Variants in MAP3K4 observed in about 807,000 individuals in gnomAD.
MAP3K4 encodes mitogen-activated protein kinase kinase kinase 4, also known as MAP three kinase 1.
Under a neutral mutation model 185.6 loss-of-function variants are expected in MAP3K4, and 67 were observed. The observed-to-expected ratio is 0.36, with a 90% confidence interval of 0.30 to 0.44. The LOEUF is 0.44. Among genes scored for constraint, MAP3K4 ranks in the 20% least tolerant of loss-of-function variants. The pLI is 1.00. For synonymous variants in MAP3K4, 702 were observed against 710.4 expected (o/e 0.99, Z 0.19); for missense variants, 1,551 against 1,995.1 (o/e 0.78, Z 4.24).
intron 1 of MAP3K4, among the ~76,000 whole-genome samples, chr6:161,009,294 T>G (rs1781742468): frequency 6.6e-6 from 1 of 152,218 alleles, no homozygotes. Context: ...GAACCATTTT[T>G]AAGGGTACAG....
intron 1 of MAP3K4, among the ~76,000 whole-genome samples, chr6:161,001,163 T>C (rs1182806385): frequency 6.7e-6 from 1 of 148,282 alleles, no homozygotes; most frequent in African/African-American, 2.5e-5. Flanking sequence ...TATATACATA[T>C]ATATGTGTAC....
In MAP3K4 at chr6:161,034,365, A is replaced by G; in HGVS notation, c.259A>G (p.Ser87Gly). ...TENLYGTSPP[S>G]TPRQMKRMST... ...GAATCTTTATGGTACCTCTCCCCCCAGCACACCTCGACAGATGAAACGCAT... is the reference window on the plus strand; with the variant it reads ...GAATCTTTATGGTACCTCTCCCCCCGGCACACCTCGACAGATGAAACGCAT... Residue 87 changes from serine (S) to glycine (G), a missense_variant, in exon 2 of 27, where the codon AGC becomes GGC. By Grantham distance (56) the Ser-to-Gly change is moderately conservative. Coordinates refer to ENST00000392142, the MANE Select transcript of MAP3K4 (RefSeq NM_005922.4). This position sits in a 1 kb window ranked among gnomAD's most constrained non-coding sequence, Gnocchi z 4.4. The G allele has an allele frequency of 1.2e-6, 2 of 1,613,980 alleles. No homozygotes were observed. The highest frequency in any genetic ancestry group is 1.3e-5 in the African/African-American group (1 of 75,020).
rs2114805674 is a variant in MAP3K4, at chr6:161,067,014, G to A, written c.1708-3594G>A. ...GAGGCGGTGGAGGGAAGCATTTACAGCGTCTAAAGCCTTTACTTACACATA... is the reference window on the plus strand; with the variant it reads ...GAGGCGGTGGAGGGAAGCATTTACAACGTCTAAAGCCTTTACTTACACATA... On this transcript the variant is annotated intron_variant, in intron 3 of 26. Transcript: ENST00000392142. This position sits in a 1 kb window ranked among gnomAD's most constrained non-coding sequence, Gnocchi z 6.3. Among the ~76,000 whole-genome samples, 1 of 152,292 alleles carries A rather than the reference G, an allele frequency of 6.6e-6. No homozygotes were observed. Among genetic ancestry groups the A allele is most frequent in the Non-Finnish European group, 1.5e-5 (1 of 68,044 alleles).
At chr6:161,027,167 A>G (rs1032852180) in intron 1 of MAP3K4, among the ~76,000 whole-genome samples, 2 of 152,224 alleles carry the variant, frequency 1.3e-5, no homozygotes, top group Non-Finnish European at 2.9e-5. Context: ...TCACAGCATC[A>G]TGAATGCGGA....
Position 161,096,832 on chromosome 6 carries a change from T to C in MAP3K4, c.3428-248T>C, listed in dbSNP as rs1480827172. The stretch of plus-strand genomic sequence containing the variant: ...TTAGCTTACATTATGTATGTTTTAC[T>C]CCAGGATTTTTAAAAATGTTTTTTG... On this transcript the variant is annotated intron_variant, in intron 15 of 26. Transcript: ENST00000392142. This position sits in a 1 kb window ranked among gnomAD's most constrained non-coding sequence, Gnocchi z 4.9. The C allele has an allele frequency of 2.5e-6, 1 of 397,378 alleles. No individual in the cohort carries two copies. Among genetic ancestry groups the C allele is most frequent in the African/African-American group, 2.0e-5 (1 of 49,868 alleles). 24.6% of individuals were successfully genotyped at this position (397,378 alleles called of 1,614,324 possible). A position where few individuals can be genotyped will look rare whatever the true frequency, so the allele number is the denominator to read the frequency against.
rs369429988 is a variant in MAP3K4, at chr6:161,034,277, A to T, written c.171A>T (p.Gly57=). ...TTCATAGGCAAGAGGGCACATTGGG[A>T]GATTCAGCTTGCAAGAGTCCTGAAT... ...CLAARQEGTL[G]DSACKSPESD... Residue 57 remains glycine (G), a synonymous_variant, in exon 2 of 27, where the codon GGA becomes GGT. Transcript: ENST00000392142. The surrounding 1 kb of genome is among the most constrained non-coding windows in gnomAD (Gnocchi z 4.4). 29 of 1,613,642 alleles carry T rather than the reference A, an allele frequency of 1.8e-5. No homozygotes were observed. The highest frequency in any genetic ancestry group is 2.4e-5 in the Non-Finnish European group (28 of 1,179,712).
At chr6:161,045,404 A>G (rs73593233) in intron 2 of MAP3K4, among the ~76,000 whole-genome samples, 87 of 152,356 alleles carry the variant, frequency 5.7e-4, no homozygotes, top group African/African-American at 1.9e-3. Context: ...ATTTGTATTT[A>G]ACCTATAAAA....
In MAP3K4 at chr6:161,067,623, G is replaced by T. The variant is rs1252128014; in HGVS notation, c.1708-2985G>T. Among the ~76,000 whole-genome samples the T allele has an allele frequency of 6.6e-6, 1 of 152,234 alleles. No homozygotes were observed. Among genetic ancestry groups the T allele is most frequent in the Non-Finnish European group, 1.5e-5 (1 of 68,046 alleles). On this transcript the variant is annotated intron_variant, in intron 3 of 26. Coordinates refer to ENST00000392142, the MANE Select transcript of MAP3K4 (RefSeq NM_005922.4). This position sits in a 1 kb window ranked among gnomAD's most constrained non-coding sequence, Gnocchi z 6.3. ...TAATCTTGTTTTCCTTAGTGCTAAT[G>T]CAGATTACTACGTGGAAACGGTGTG...
rs569384550 is a variant in MAP3K4, at chr6:161,007,814, A to G, written c.152+15731A>G. 1.3e-5 allele frequency among the ~76,000 whole-genome samples: 2 copies of G among 152,200 alleles called. No homozygotes were observed. Among genetic ancestry groups the G allele is most frequent in the South Asian group, 2.1e-4 (1 of 4,832 alleles). ...CAAACATAAAAGGCTGTCAATTGTAATATGCAGCATAAATTTTATATGTCA... is the reference window on the plus strand; with the variant it reads ...CAAACATAAAAGGCTGTCAATTGTAGTATGCAGCATAAATTTTATATGTCA... On this transcript the variant is annotated intron_variant, in intron 1 of 26. Coordinates refer to ENST00000392142, the MANE Select transcript of MAP3K4 (RefSeq NM_005922.4). The surrounding 1 kb of genome is among the most constrained non-coding windows in gnomAD (Gnocchi z 4.5).
chr6:161,004,636 T>C (rs1035597129), intron 1 of MAP3K4, among the ~76,000 whole-genome samples: 4 of 152,240 alleles, frequency 2.6e-5, no homozygotes, highest in Non-Finnish European at 2.9e-5. Flanking sequence ...CCAGGAGATT[T>C]GAAAACTTCA....
chr6:161,016,739 T>A (rs1423291833), intron 1 of MAP3K4, among the ~76,000 whole-genome samples: 1 of 152,216 alleles, frequency 6.6e-6, no homozygotes, highest in Non-Finnish European at 1.5e-5. Flanking sequence ...CTTAATTACC[T>A]TTGTTTAGTT....
In MAP3K4 at chr6:161,114,219, T is replaced by G. The variant is rs972191991; in HGVS notation, c.4627-904T>G. Among the ~76,000 whole-genome samples the G allele has an allele frequency of 6.6e-6, 1 of 152,174 alleles. No individual in the cohort carries two copies. ...GTGCATAGCACTTAAACCAAGAAGT[T>G]TTCTGCTTCTGAAAATGTATCTTAT... is the stretch of plus-strand genomic sequence containing the variant. On this transcript the variant is annotated intron_variant, in intron 25 of 26. Coordinates refer to ENST00000392142, the MANE Select transcript of MAP3K4 (RefSeq NM_005922.4). The surrounding 1 kb of genome is among the most constrained non-coding windows in gnomAD (Gnocchi z 4.3).
At position 161,080,719 on chromosome 6, in the gene MAP3K4, T is replaced by C; in HGVS notation, c.2098-162T>C. The C allele has an allele frequency of 1.7e-6, 1 of 605,008 alleles. No individual in the cohort carries two copies. 37.5% of individuals were successfully genotyped at this position (605,008 alleles called of 1,614,324 possible). On this transcript the variant is annotated intron_variant, in intron 5 of 26. Transcript: ENST00000392142. This position sits in a 1 kb window ranked among gnomAD's most constrained non-coding sequence, Gnocchi z 4.8. ...TTTTTAAAAAATCCTCATTTAGACC[T>C]CAGCTAACAGTGGTGAGAACCTTGC... is the stretch of plus-strand genomic sequence containing the variant.
chr6:161,066,458 T>C (rs1193862733), intron 3 of MAP3K4, among the ~76,000 whole-genome samples: 1 of 152,200 alleles, frequency 6.6e-6, no homozygotes, highest in Non-Finnish European at 1.5e-5. Context: ...CAGTTAATTC[T>C]AGATTATTAA....
Position 161,061,339 on chromosome 6 carries a change from T to G in MAP3K4, c.1708-9269T>G, listed in dbSNP as rs1784479362. 6.6e-6 allele frequency among the ~76,000 whole-genome samples: 1 copy of G among 152,260 alleles called. No individual in the cohort carries two copies. The highest frequency in any genetic ancestry group is 1.5e-5 in the Non-Finnish European group (1 of 68,044). ...GTTATAACCCTCTGTGGATGTAACATCAGATAACTGCATTTTAAAGACTTT... is the reference window on the plus strand; with the variant it reads ...GTTATAACCCTCTGTGGATGTAACAGCAGATAACTGCATTTTAAAGACTTT... On this transcript the variant is annotated intron_variant, in intron 3 of 26. Coordinates refer to ENST00000392142, the MANE Select transcript of MAP3K4 (RefSeq NM_005922.4). The surrounding 1 kb of genome is among the most constrained non-coding windows in gnomAD (Gnocchi z 4.2).
chr6:161,030,556 G>A (rs1782877236), intron 1 of MAP3K4, among the ~76,000 whole-genome samples: 1 of 152,016 alleles, frequency 6.6e-6, no homozygotes, highest in Non-Finnish European at 1.5e-5. Flanking sequence ...TGGGACCACA[G>A]GTGCATGCCA....
In MAP3K4 at chr6:161,098,076, G is replaced by A. The variant is rs1371080266; in HGVS notation, c.3525-202G>A. On this transcript the variant is annotated intron_variant, in intron 16 of 26. Transcript: ENST00000392142. The surrounding 1 kb of genome is among the most constrained non-coding windows in gnomAD (Gnocchi z 4.4). ...CACTCCAGCCTGGACAACAGGGTGC[G>A]ATGCTGTCTCAAAAAAAAGAAAAGC... 1.3e-5 allele frequency among the ~76,000 whole-genome samples: 2 copies of A among 152,030 alleles called. No homozygotes were observed. The highest frequency in any genetic ancestry group is 4.8e-5 in the African/African-American group (2 of 41,392).
intron 2 of MAP3K4, among the ~76,000 whole-genome samples, chr6:161,042,941 C>T (rs868659027): frequency 5.2e-5 from 7 of 135,118 alleles, no homozygotes; most frequent in African/African-American, 1.1e-4. Flanking sequence ...CACACACACA[C>T]ATCCCTGTTA....
At position 161,091,415 on chromosome 6, in the gene MAP3K4, G is replaced by A. The variant is rs1404985047; in HGVS notation, c.3010G>A (p.Ala1004Thr). The A allele has an allele frequency of 2.5e-6, 4 of 1,613,964 alleles. No homozygotes were observed. The highest frequency in any genetic ancestry group is 2.5e-6 in the Non-Finnish European group (3 of 1,179,996). ...GGAGCTATGCAACAGGATAAGCAAT[G>A]CCATTGACCGCGTGGACCACATGTT... Reference protein sequence around the residue: ...ALELCNRISNAIDRVDHMFTS... With the variant: ...ALELCNRISNTIDRVDHMFTS... Residue 1004 changes from alanine to threonine, a missense_variant, in exon 12 of 27, where the codon GCC becomes ACC. Ala to Thr is a moderately conservative substitution (Grantham distance 58). Transcript: ENST00000392142. The surrounding 1 kb of genome is among the most constrained non-coding windows in gnomAD (Gnocchi z 5.5).
Sources: gnomAD v4.1 joint callset for allele counts (sites outside exome capture counted in the v4.1 genomes callset) on GRCh38, gnomAD v4.1.1 for gene constraint, Gnocchi (gnomAD v3.1) non-coding constraint, MANE v1.5 for transcripts, NCBI Gene and HGNC (gene_info 2026-07-23, HGNC 2026-07-21) for gene names.